The following SH3GL2 variants were observed in gnomAD, a reference collection of about 807,000 sequenced individuals.
The protein encoded by SH3GL2 is SH3 domain containing GRB2 like 2, endophilin A1.
SH3GL2 carries 24 observed loss-of-function variants against 46.0 expected under a neutral mutation model. The ratio of observed to expected loss-of-function variants is 0.52; its 90% CI spans 0.38 to 0.73. The LOEUF is 0.73. SH3GL2 is among the 30% of genes least tolerant of loss of function. The probability of loss-of-function intolerance (pLI) is 0.00; values close to 1 mark genes in which losing one functional copy is unlikely to be tolerated. For missense variants in SH3GL2, 413 were observed against 424.2 expected (o/e 0.97, Z 0.23); for synonymous variants, 196 against 147.1 (o/e 1.33, Z -2.40).
At chr9:17,657,786 T>C (rs1191064465) in intron 1 of SH3GL2, among the ~76,000 whole-genome samples, 2 of 152,188 alleles carry the variant, frequency 1.3e-5, no homozygotes, top group African/African-American at 4.8e-5. Flanking sequence ...TTAAATGAGT[T>C]AAAATATGTG....
chr9:17,611,491 G>C (rs1381716713), intron 1 of SH3GL2, among the ~76,000 whole-genome samples: 1 of 152,190 alleles, frequency 6.6e-6, no homozygotes, highest in Non-Finnish European at 1.5e-5. Flanking sequence ...AGCATAATCA[G>C]AGACCTTGAC....
intron 1 of SH3GL2, among the ~76,000 whole-genome samples, chr9:17,592,838 A>C (rs1372909282): frequency 6.6e-6 from 1 of 152,024 alleles, no homozygotes; most frequent in Non-Finnish European, 1.5e-5. Flanking sequence ...CAGGTTGGGG[A>C]CTGTTCACCA....
At chr9:17,667,118 G>A (rs1820363341) in intron 1 of SH3GL2, among the ~76,000 whole-genome samples, 1 of 151,942 alleles carries the variant, frequency 6.6e-6, no homozygotes, top group Admixed American at 6.6e-5. Flanking sequence ...AAACATATTT[G>A]GTATATATTT....
intron 2 of SH3GL2, among the ~76,000 whole-genome samples, chr9:17,748,248 C>A (rs1044578997): frequency 2.0e-5 from 3 of 152,126 alleles, no homozygotes; most frequent in African/African-American, 7.2e-5. Flanking sequence ...TGCACAGAAA[C>A]ATTTTAGGTC....
At chr9:17,778,449 A>T (rs1384445869) in intron 3 of SH3GL2, among the ~76,000 whole-genome samples, 1 of 152,114 alleles carries the variant, frequency 6.6e-6, no homozygotes, top group Non-Finnish European at 1.5e-5. Flanking sequence ...GGAAGTTCTC[A>T]TGTATATGAG....
At chr9:17,717,210 G>A (rs1033365024) in intron 1 of SH3GL2, among the ~76,000 whole-genome samples, 3 of 152,110 alleles carry the variant, frequency 2.0e-5, no homozygotes, top group Non-Finnish European at 2.9e-5. Flanking sequence ...ATCCAGTGCC[G>A]CATAAATCGC....
chr9:17,708,977 C>G (rs2118255632), intron 1 of SH3GL2, among the ~76,000 whole-genome samples: 1 of 152,104 alleles, frequency 6.6e-6, no homozygotes, highest in Admixed American at 6.6e-5. Flanking sequence ...AGTGACCAAG[C>G]TATTATTTTT....
At chr9:17,590,221 A>G (rs955384474) in intron 1 of SH3GL2, 1 of 152,228 alleles carries the variant, frequency 6.6e-6, no homozygotes, top group African/African-American at 2.4e-5. Context: ...TATACCATTC[A>G]TTATTTTACT....
At chr9:17,648,007 T>C (rs1819863659) in intron 1 of SH3GL2, among the ~76,000 whole-genome samples, 1 of 152,198 alleles carries the variant, frequency 6.6e-6, no homozygotes. Context: ...ACAGTAAATA[T>C]ATATTCTCTT....
At chr9:17,649,039 A>G (rs572036439) in intron 1 of SH3GL2, among the ~76,000 whole-genome samples, 17 of 152,200 alleles carry the variant, frequency 1.1e-4, no homozygotes, top group African/African-American at 3.1e-4. Flanking sequence ...AAGTCTGTCA[A>G]TGTGGGCTTT....
chr9:17,685,175 A>C (rs1228331720), intron 1 of SH3GL2, among the ~76,000 whole-genome samples: 1 of 152,010 alleles, frequency 6.6e-6, no homozygotes, highest in Non-Finnish European at 1.5e-5. Flanking sequence ...GAGTGGATGG[A>C]ATCAAGAGAT....
intron 1 of SH3GL2, among the ~76,000 whole-genome samples, chr9:17,644,587 A>C (rs1255196816): frequency 6.6e-6 from 1 of 152,170 alleles, no homozygotes; most frequent in East Asian, 1.9e-4. Flanking sequence ...TTTACCTTGT[A>C]GTCATTCAGG....
chr9:17,652,951 G>T (rs1018020161), intron 1 of SH3GL2, among the ~76,000 whole-genome samples: 6 of 151,888 alleles, frequency 4.0e-5, no homozygotes, highest in Non-Finnish European at 7.4e-5. Context: ...ATTTCCTCTT[G>T]GTCCTTTATA....
chr9:17,677,624 G>GTGTA (rs1491394050), intron 1 of SH3GL2, among the ~76,000 whole-genome samples: 2 of 147,308 alleles, frequency 1.4e-5, no homozygotes, highest in African/African-American at 4.9e-5. Context: ...AAATTGTATG[G>GTGTA]TATATATATA....
intron 1 of SH3GL2, among the ~76,000 whole-genome samples, chr9:17,681,296 G>A (rs1194383148): frequency 2.0e-5 from 3 of 152,136 alleles, no homozygotes; most frequent in African/African-American, 7.2e-5. Flanking sequence ...GACTACTACA[G>A]TGAGTAGTAC....
chr9:17,610,149 C>T (rs1044493706), intron 1 of SH3GL2, among the ~76,000 whole-genome samples: 6 of 152,228 alleles, frequency 3.9e-5, no homozygotes, highest in Non-Finnish European at 8.8e-5. Context: ...CAAGTTCCAT[C>T]TTCTCCAAAG....
chr9:17,653,645 G>A (rs1371794489), intron 1 of SH3GL2, among the ~76,000 whole-genome samples: 6 of 152,154 alleles, frequency 3.9e-5, no homozygotes, highest in Non-Finnish European at 2.9e-5. Context: ...GTACAAAGAG[G>A]TAGGGCCTTT....
At position 17,665,896 on chromosome 9, in the gene SH3GL2, C is replaced by T. The variant is rs535555883; in HGVS notation, c.46-81170C>T. 4.6e-4 allele frequency among the ~76,000 whole-genome samples: 68 copies of T among 147,466 alleles called. No homozygotes were observed. The South Asian group carries it at 0.014, about 31-fold the overall frequency. On this transcript the variant is annotated intron_variant, in intron 1 of 8. Coordinates refer to ENST00000380607, the MANE Select transcript of SH3GL2 (RefSeq NM_003026.5). Reference sequence around the variant, plus strand: ...CCATCCATCCATCCATCTAGTTGTCCGTCTATCCATGAAAAACCATGACTT... The same window carrying T: ...CCATCCATCCATCCATCTAGTTGTCTGTCTATCCATGAAAAACCATGACTT...
In SH3GL2 at chr9:17,657,383, G is replaced by A. The variant is rs1316839140; in HGVS notation, c.45+78096G>A. Among the ~76,000 whole-genome samples the A allele has an allele frequency of 3.3e-5, 5 of 152,176 alleles. 1 individual carries two copies. Among genetic ancestry groups the A allele is most frequent in the Admixed American group, 3.3e-4 (5 of 15,280 alleles). On this transcript the variant is annotated intron_variant, in intron 1 of 8. Coordinates refer to ENST00000380607, the MANE Select transcript of SH3GL2 (RefSeq NM_003026.5). The stretch of plus-strand genomic sequence containing the variant: ...AGATTTGTGGGCAGGTTGTCTTCTA[G>A]GTCACCCTTCCCTCAACACCATGTA...
Sources: gnomAD v4.1 joint callset for allele counts (sites outside exome capture counted in the v4.1 genomes callset) on GRCh38, gnomAD v4.1.1 for gene constraint, MANE v1.5 for transcripts, NCBI Gene and HGNC (gene_info 2026-07-23, HGNC 2026-07-21) for gene names.